Variants in RACGAP1 observed in about 807,000 individuals in gnomAD.
The protein encoded by RACGAP1 is Rac GTPase activating protein 1.
RACGAP1 carries 30 observed loss-of-function variants against 78.1 expected under a neutral mutation model. The observed-to-expected ratio is 0.38, with a 90% confidence interval of 0.29 to 0.52. RACGAP1 has a LOEUF of 0.52. Ranked by LOEUF, RACGAP1 falls within the 20% of genes least tolerant of loss-of-function variation. The pLI is 0.82. For missense variants in RACGAP1, 587 were observed against 777.1 expected (o/e 0.76, Z 2.91); for synonymous variants, 231 against 264.8 (o/e 0.87, Z 1.24).
chr12:50,005,151 T>A, intron 4 of RACGAP1, 105 bp downstream of exon 4: 1 of 1,531,932 alleles, frequency 6.5e-7, no homozygotes, highest in East Asian at 2.3e-5. Flanking sequence ...TTCTGCTTTT[T>A]TCAGCACACA....
intron 2 of RACGAP1, among the ~76,000 whole-genome samples, chr12:50,013,177 G>A (rs1378655372): frequency 6.6e-6 from 1 of 152,140 alleles, no homozygotes; most frequent in Non-Finnish European, 1.5e-5. Flanking sequence ...GTAAAAATTT[G>A]CTTATACAAT....
chr12:50,025,453 A>C lies in RACGAP1; in HGVS notation c.-60T>G. ...CTTCACTTCGCTCCGCGCCTCACCC[A>C]ACGGCAGAGCAGCGCCGCGCCCACA... is the stretch of plus-strand genomic sequence containing the variant. On this transcript the variant is annotated 5_prime_UTR_variant, in exon 1 of 17. Coordinates refer to ENST00000312377, the MANE Select transcript of RACGAP1 (RefSeq NM_001319999.2). 1 of 985,620 alleles carries C rather than the reference A, an allele frequency of 1.0e-6. No individual in the cohort carries two copies. Among genetic ancestry groups the C allele is most frequent in the East Asian group, 1.1e-4 (1 of 8,824 alleles). 61.1% of individuals were successfully genotyped at this position (985,620 alleles called of 1,614,324 possible).
intron 1 of RACGAP1, chr12:50,019,723 T>TAAATAAATAAAA (rs1397500389): frequency 6.7e-6 from 1 of 149,542 alleles, no homozygotes; most frequent in Non-Finnish European, 1.5e-5. Flanking sequence ...AATAAATAAA[T>TAAATAAATAAAA]AAAAAGGTCC....
Position 49,992,112 on chromosome 12 carries a change from A to C in RACGAP1, c.1600T>G (p.Leu534Val). The change falls in exon 15 of 17, where the codon TTG (leucine) becomes GTG (valine). Residue 534 changes from leucine to valine, a missense_variant. Physicochemically the swap from Leu to Val is conservative, Grantham distance 32. Coordinates refer to ENST00000312377, the MANE Select transcript of RACGAP1 (RefSeq NM_001319999.2). ...QPKVVERLLSLPLEYWSQFMM... is the reference protein window; with the variant it reads ...QPKVVERLLSVPLEYWSQFMM... ...AACTGACTCCAATACTCCAGAGGCA[A>C]GGAAAGCAGGCGCTCAACCACCTAA... The C allele has an allele frequency of 6.2e-7, 1 of 1,614,004 alleles. No individual in the cohort carries two copies.
At chr12:49,991,943 T>C (rs2137228578) in intron 15 of RACGAP1, 55 bp downstream of exon 15, 2 of 1,596,074 alleles carry the variant, frequency 1.3e-6, no homozygotes, top group African/African-American at 1.4e-5. Flanking sequence ...AGAGGTCATA[T>C]GACTAAAACT....
intron 10 of RACGAP1, 36 bp from the exon 11 acceptor site, chr12:49,994,545 G>A (rs367999733): frequency 6.9e-6 from 11 of 1,599,370 alleles, no homozygotes; most frequent in South Asian, 2.3e-5. Context: ...TATTATTTAC[G>A]CCATGTAGAC....
chr12:49,999,081 C>G, intron 9 of RACGAP1, 60 bp downstream of exon 9: 3 of 1,511,364 alleles, frequency 2.0e-6, no homozygotes, highest in Non-Finnish European at 2.7e-6. Context: ...AACTTTATTC[C>G]TGGTATTTAT....
intron 3 of RACGAP1, 63 bp from the exon 4 acceptor site, chr12:50,005,455 T>C (rs1948918032): frequency 3.1e-6 from 5 of 1,591,204 alleles, no homozygotes; most frequent in Non-Finnish European, 3.4e-6. Flanking sequence ...ACCTCAAGTT[T>C]ATGGGACAGG....
intron 1 of RACGAP1, among the ~76,000 whole-genome samples, chr12:50,020,292 C>T (rs1325173693): frequency 6.6e-6 from 1 of 152,074 alleles, no homozygotes; most frequent in African/African-American, 2.4e-5. Context: ...ATTCTCCTGC[C>T]TCAGCCTCCC....
Position 49,999,596 on chromosome 12 carries a change from T to C in RACGAP1, c.748+20A>G, listed in dbSNP as rs1948524480. The C allele has an allele frequency of 6.3e-7, 1 of 1,595,104 alleles. No homozygotes were observed. The highest frequency in any genetic ancestry group is 8.6e-7 in the Non-Finnish European group (1 of 1,163,036). On this transcript the variant is annotated intron_variant, in intron 8 of 16. Coordinates refer to ENST00000312377, the MANE Select transcript of RACGAP1 (RefSeq NM_001319999.2). ...GCTAGTTGTTTTACACAGGCCAGTT[T>C]AGTCACAAATTCAATGGACCTGTTT...
intron 1 of RACGAP1, among the ~76,000 whole-genome samples, chr12:50,024,950 A>ATTGCC (rs1420986376): frequency 6.6e-6 from 1 of 151,956 alleles, no homozygotes; most frequent in South Asian, 2.1e-4. Context: ...ACAAGATGTC[A>ATTGCC]TTGCCTTGCC....
intron 2 of RACGAP1, chr12:50,031,588 G>T: frequency 1.5e-6 from 1 of 663,050 alleles, no homozygotes; most frequent in Non-Finnish European, 1.9e-6. Context: ...GTTCCTCCAC[G>T]CACCTGGCTA....
intron 2 of RACGAP1, among the ~76,000 whole-genome samples, chr12:50,031,157 A>T (rs979639036): frequency 9.2e-5 from 14 of 151,970 alleles, no homozygotes; most frequent in Non-Finnish European, 1.8e-4. Context: ...TAAAATCCTT[A>T]ATGACTTCAA....
At chr12:50,025,615 G>A (rs1326876839), upstream of RACGAP1, 3 of 933,800 alleles carry the variant, frequency 3.2e-6, no homozygotes, top group Admixed American at 1.2e-4. Flanking sequence ...TTCTGACAAA[G>A]CGAAGCCAAA....
At position 50,004,348 on chromosome 12, in the gene RACGAP1, G is replaced by T. The variant is rs148752887; in HGVS notation, c.426-44C>A. 3.9e-3 allele frequency: 6,036 copies of T among 1,552,800 alleles called. 16 individuals carry two copies. The highest frequency in any genetic ancestry group is 4.7e-3 in the Non-Finnish European group (5,333 of 1,135,462). ...ACAACGTTAGACATGGTAGACTGTG[G>T]AATGTAAAATTCACCAACATTCAGA... On this transcript the variant is annotated intron_variant, in intron 4 of 16. Transcript: ENST00000312377.
At chr12:50,027,079 C>G (rs894184458), upstream of RACGAP1, among the ~76,000 whole-genome samples, 8 of 152,318 alleles carry the variant, frequency 5.3e-5, no homozygotes, top group South Asian at 4.1e-4. Context: ...ATAATCCCAT[C>G]TCTATCTCAC....
intron 2 of RACGAP1, among the ~76,000 whole-genome samples, chr12:50,016,038 T>C (rs1022567036): frequency 5.3e-5 from 8 of 152,020 alleles, no homozygotes; most frequent in African/African-American, 1.7e-4. Context: ...TTTTTCCCAG[T>C]TCATGGCACA....
chr12:50,029,337 G>A (rs111499246), upstream of RACGAP1, among the ~76,000 whole-genome samples: 4 of 152,116 alleles, frequency 2.6e-5, no homozygotes, highest in African/African-American at 9.6e-5. Context: ...AGTGAGCTGA[G>A]ATCGCGCCAC....
intron 1 of RACGAP1, among the ~76,000 whole-genome samples, chr12:50,023,534 G>A (rs1950116438): frequency 6.6e-6 from 1 of 152,106 alleles, no homozygotes; most frequent in African/African-American, 2.4e-5. Flanking sequence ...AGAAGTTCAA[G>A]ACCAGCCTGG....
Sources: allele counts gnomAD v4.1 joint callset (sites outside exome capture counted in the v4.1 genomes callset), GRCh38; gene constraint gnomAD v4.1.1; transcripts MANE v1.5; gene names NCBI Gene and HGNC (gene_info 2026-07-23, HGNC 2026-07-21).